FBXL13: variants seen among roughly 807,000 people sequenced by gnomAD.
FBXL13 encodes the protein F-box and leucine rich repeat protein 13.
In FBXL13, 67 loss-of-function variants were observed where a neutral mutation model predicts 83.6. The ratio of observed to expected loss-of-function variants is 0.80; its 90% confidence interval spans 0.66 to 0.98. The LOEUF (loss-of-function observed/expected upper bound fraction) is 0.98. FBXL13 is among the 50% of genes least tolerant of loss of function. The pLI is 0.00. For missense variants in FBXL13, 822 were observed against 866.5 expected, an observed-to-expected ratio of 0.95 and a Z score of 0.64; for synonymous variants, 272 against 299.5, an observed-to-expected ratio of 0.91 and a Z score of 0.95.
At chr7:102,824,635 G>T (rs980917310) in intron 18 of FBXL13, among the ~76,000 whole-genome samples, 1 of 151,946 alleles carries the variant, frequency 6.6e-6, no homozygotes, top group African/African-American at 2.4e-5. Context: ...ACAGGTGCCC[G>T]CCACCACGCC....
At chr7:103,058,478 G>GCTTCCTCCA (rs1797549312) in intron 1 of FBXL13, among the ~76,000 whole-genome samples, 3 of 152,216 alleles carry the variant, frequency 2.0e-5, no homozygotes, top group Non-Finnish European at 4.4e-5. Flanking sequence ...ATTATCTGGA[G>GCTTCCTCCA]GCCAATCAGA....
At chr7:103,034,420 T>C (rs1794859121) in intron 2 of FBXL13, among the ~76,000 whole-genome samples, 1 of 152,154 alleles carries the variant, frequency 6.6e-6, no homozygotes, top group Non-Finnish European at 1.5e-5. Context: ...CAGCGAGAAA[T>C]TGAGCACAGC....
intron 6 of FBXL13, chr7:102,973,264 C>T: frequency 2.4e-6 from 1 of 415,964 alleles, no homozygotes; most frequent in South Asian, 2.3e-5. Flanking sequence ...CTCCTCTCTT[C>T]TCAGGCCCAG....
chr7:102,867,689 ATATATATTTT>A (rs1372889615), intron 16 of FBXL13, among the ~76,000 whole-genome samples: 9 of 75,676 alleles, frequency 1.2e-4, no homozygotes, highest in East Asian at 4.5e-4. Flanking sequence ...ATATATATAT[ATATATATTTT>A]TTTTTTTTTT....
intron 8 of FBXL13, among the ~76,000 whole-genome samples, chr7:102,951,697 C>T (rs1823435148): frequency 6.7e-6 from 1 of 149,390 alleles, no homozygotes; most frequent in African/African-American, 2.5e-5. Flanking sequence ...GTCCTAGCTA[C>T]TTAGGTGGGA....
At chr7:103,044,562 A>G (rs577646021) in intron 2 of FBXL13, among the ~76,000 whole-genome samples, 1 of 152,354 alleles carries the variant, frequency 6.6e-6, no homozygotes, top group East Asian at 1.9e-4. Flanking sequence ...ATACTCCAGC[A>G]AAAATGGAGG....
At chr7:102,961,408 G>A (rs1825180550) in intron 8 of FBXL13, among the ~76,000 whole-genome samples, 1 of 150,708 alleles carries the variant, frequency 6.6e-6, no homozygotes, top group South Asian at 2.1e-4. Flanking sequence ...CGGCCATACT[G>A]CCCAAGGTAA....
intron 8 of FBXL13, among the ~76,000 whole-genome samples, chr7:102,962,999 A>C (rs866535963): frequency 1.6e-4 from 22 of 141,046 alleles, no homozygotes; most frequent in Admixed American, 3.5e-4. Flanking sequence ...ATATATATAT[A>C]TATATATAAA....
At chr7:102,898,192 G>T (rs773586921) in intron 11 of FBXL13, among the ~76,000 whole-genome samples, 1 of 150,430 alleles carries the variant, frequency 6.6e-6, no homozygotes, top group African/African-American at 2.5e-5. Flanking sequence ...ACATATATAT[G>T]TGTATATATA....
chr7:102,943,409 A>G (rs1265528265), intron 8 of FBXL13, among the ~76,000 whole-genome samples: 1 of 152,172 alleles, frequency 6.6e-6, no homozygotes, highest in African/African-American at 2.4e-5. Context: ...AGTAAAACTA[A>G]TCAAGGGAAA....
intron 2 of FBXL13, among the ~76,000 whole-genome samples, chr7:103,048,295 A>C (rs1455179172): frequency 6.6e-6 from 1 of 152,016 alleles, no homozygotes; most frequent in East Asian, 1.9e-4. Context: ...TCACTCACTT[A>C]GCCAAAATGA....
chr7:102,854,488 T>C (rs534365094), intron 17 of FBXL13, among the ~76,000 whole-genome samples: 86 of 152,318 alleles, frequency 5.6e-4, no homozygotes, highest in Non-Finnish European at 1.1e-3. Context: ...AACCTGCACA[T>C]TGTCCACATG....
upstream of FBXL13, chr7:103,074,736 T>C (rs1283880129): frequency 7.8e-7 from 1 of 1,289,852 alleles, no homozygotes; most frequent in Non-Finnish European, 1.0e-6. Context: ...GAAGTAGTTC[T>C]TCAGCCTCGG....
intron 16 of FBXL13, among the ~76,000 whole-genome samples, chr7:102,862,360 G>A (rs373804213): frequency 1.2e-4 from 18 of 150,988 alleles, no homozygotes; most frequent in African/African-American, 2.7e-4. Flanking sequence ...AGAAATGGAC[G>A]TTTTGGAGGG....
intron 6 of FBXL13, among the ~76,000 whole-genome samples, chr7:103,014,568 G>C (rs1792028148): frequency 6.6e-6 from 1 of 151,992 alleles, no homozygotes; most frequent in Non-Finnish European, 1.5e-5. Flanking sequence ...AGATACAACA[G>C]AAAAAGAAAA....
intron 9 of FBXL13, among the ~76,000 whole-genome samples, chr7:102,929,969 G>A (rs759178444): frequency 2.2e-4 from 33 of 152,042 alleles, no homozygotes; most frequent in African/African-American, 3.1e-4. Flanking sequence ...GGAAAGACCC[G>A]ATAGCATTGA....
intron 2 of FBXL13, among the ~76,000 whole-genome samples, chr7:103,030,780 A>G (rs1159071027): frequency 6.6e-6 from 1 of 152,216 alleles, no homozygotes; most frequent in African/African-American, 2.4e-5. Context: ...TCTTTAAAAC[A>G]GCATAAAAGC....
At chr7:102,877,674 G>C (rs891989250) in intron 15 of FBXL13, 81 bp from the exon 17 acceptor site, 14 of 1,436,980 alleles carry the variant, frequency 9.7e-6, no homozygotes, top group Non-Finnish European at 1.3e-5. Context: ...AACTATCTTG[G>C]GAAAACAAAT....
chr7:103,043,229 A>G (rs928253306), intron 2 of FBXL13, among the ~76,000 whole-genome samples: 1 of 152,244 alleles, frequency 6.6e-6, no homozygotes. Context: ...AAAGCTCATC[A>G]TCACTGGTCA....
Sources: allele counts gnomAD v4.1 joint callset (sites outside exome capture counted in the v4.1 genomes callset), GRCh38; gene constraint gnomAD v4.1.1; transcripts MANE v1.5; gene names NCBI Gene and HGNC (gene_info 2026-07-23, HGNC 2026-07-21).